PRIMPOL: variants seen among roughly 807,000 people sequenced by gnomAD.
PRIMPOL encodes the protein DNA-directed primase/polymerase protein.
A neutral mutation model predicts 63.6 loss-of-function variants in PRIMPOL; 54 were observed. That is an observed-to-expected ratio of 0.85 (90% CI 0.68 to 1.07). PRIMPOL has a LOEUF of 1.07. Among genes scored for constraint, PRIMPOL ranks in the 50% least tolerant of loss-of-function variants. PRIMPOL has a pLI of 0.00. For synonymous variants in PRIMPOL, 197 were observed against 220.2 expected, an observed-to-expected ratio of 0.89 and a Z score of 0.93; for missense variants, 610 against 648.3, an observed-to-expected ratio of 0.94 and a Z score of 0.64.
rs1193755500 is a variant in PRIMPOL at position 184,649,896 on chromosome 4, G to C, written c.-150G>C. ...GCTCTGGGAAGAAGAGGAGCAGGCCGGGACGCCCACCGGTAATTTCTGTCT... is the reference window on the plus strand; with the variant it reads ...GCTCTGGGAAGAAGAGGAGCAGGCCCGGACGCCCACCGGTAATTTCTGTCT... On this transcript the variant is annotated 5_prime_UTR_variant, in exon 1 of 14. Coordinates refer to ENST00000314970, the MANE Select transcript of PRIMPOL (RefSeq NM_152683.4). The C allele has an allele frequency of 6.6e-6, 1 of 152,232 alleles. No individual in the cohort carries two copies. Among genetic ancestry groups the C allele is most frequent in the Non-Finnish European group, 1.5e-5 (1 of 68,074 alleles). 9.4% of individuals were successfully genotyped at this position (152,232 alleles called of 1,614,324 possible). A position where few individuals can be genotyped will look rare whatever the true frequency, so the allele number is the denominator to read the frequency against.
At position 184,658,122 on chromosome 4, in the gene PRIMPOL, C is replaced by T. The variant is rs573713137; in HGVS notation, c.180+802C>T. Among the ~76,000 whole-genome samples, 51 of 149,598 alleles carry T rather than the reference C, an allele frequency of 3.4e-4. 1 individual carries two copies. In the South Asian group the frequency reaches 9.1e-3, roughly 27 times the overall value. On this transcript the variant is annotated intron_variant, in intron 3 of 13. Coordinates refer to ENST00000314970, the MANE Select transcript of PRIMPOL (RefSeq NM_152683.4). ...GGAATGTAAAGAAATATGAAAGAAACGATAAGATGCTTATATGATAGCATA... is the reference window on the plus strand; with the variant it reads ...GGAATGTAAAGAAATATGAAAGAAATGATAAGATGCTTATATGATAGCATA...
chr4:184,655,933 A>C (rs1215838270), intron 2 of PRIMPOL, among the ~76,000 whole-genome samples: 1 of 152,228 alleles, frequency 6.6e-6, no homozygotes, highest in African/African-American at 2.4e-5. Flanking sequence ...TACTGGCTTA[A>C]AAAAGACAAA....
At chr4:184,692,152 T>C (rs1758749489) in intron 13 of PRIMPOL, among the ~76,000 whole-genome samples, 1 of 152,100 alleles carries the variant, frequency 6.6e-6, no homozygotes, top group African/African-American at 2.4e-5. Context: ...CCCAAATAAT[T>C]AACGTGCATT....
chr4:184,672,868 C>T (rs1752191721), intron 7 of PRIMPOL, among the ~76,000 whole-genome samples: 1 of 152,166 alleles, frequency 6.6e-6, no homozygotes, highest in South Asian at 2.1e-4. Context: ...CACCGAAGAT[C>T]TCAGTGGTAG....
chr4:184,676,455 CTCCCTCT>C (rs1561025293), intron 7 of PRIMPOL, among the ~76,000 whole-genome samples: 1 of 60 alleles, frequency 0.017, no homozygotes, highest in Non-Finnish European at 0.02. Flanking sequence ...CTTCCCTTCC[CTCCCTCT>C]CTCTCCTTTC....
chr4:184,682,081 G>C (rs969126802), intron 8 of PRIMPOL, among the ~76,000 whole-genome samples, 167 bp from the exon 9 acceptor site: 2 of 152,034 alleles, frequency 1.3e-5, no homozygotes, highest in African/African-American at 4.8e-5. Flanking sequence ...ATATGTGTAG[G>C]GTTTGTGGTT....
At chr4:184,653,985 T>TG (rs1745478001) in intron 2 of PRIMPOL, among the ~76,000 whole-genome samples, 1 of 152,202 alleles carries the variant, frequency 6.6e-6, no homozygotes, top group Admixed American at 6.5e-5. Flanking sequence ...TTTCAAGCTG[T>TG]GCAGATATGA....
At chr4:184,689,137 C>T (rs933235033) in intron 11 of PRIMPOL, among the ~76,000 whole-genome samples, 1 of 152,100 alleles carries the variant, frequency 6.6e-6, no homozygotes, top group African/African-American at 2.4e-5. Flanking sequence ...AGTGCAGGAG[C>T]TCACTGCAGC....
chr4:184,694,218 TCCA>T, intron 13 of PRIMPOL: 7 of 1,090,046 alleles, frequency 6.4e-6, no homozygotes, highest in Non-Finnish European at 7.8e-6. Context: ...AGCTGGACTG[TCCA>T]CTTGTTAAAA....
chr4:184,682,886 C>T (rs919507416), intron 9 of PRIMPOL, among the ~76,000 whole-genome samples: 1 of 151,398 alleles, frequency 6.6e-6, no homozygotes, highest in Admixed American at 6.6e-5. Context: ...CCTATCTCTA[C>T]AAAAAATCCA....
chr4:184,679,057 A>G (rs1161139311), intron 8 of PRIMPOL, among the ~76,000 whole-genome samples: 2 of 152,174 alleles, frequency 1.3e-5, no homozygotes, highest in Non-Finnish European at 2.9e-5. Flanking sequence ...CTTTTCATGT[A>G]TGCACATACA....
chr4:184,682,634 C>T (rs1172957972), intron 9 of PRIMPOL, among the ~76,000 whole-genome samples: 3 of 152,158 alleles, frequency 2.0e-5, no homozygotes, highest in Non-Finnish European at 4.4e-5. Flanking sequence ...AGGTGCAAGC[C>T]ACTGCACCCA....
rs564892039 is a variant in PRIMPOL, at chr4:184,666,823, C to T, written c.556+759C>T. 1.1e-4 allele frequency among the ~76,000 whole-genome samples: 16 copies of T among 152,294 alleles called. No individual in the cohort carries two copies. In the East Asian group the frequency reaches 1.4e-3, roughly 13 times the overall value. On this transcript the variant is annotated intron_variant, in intron 6 of 13. Coordinates refer to ENST00000314970, the MANE Select transcript of PRIMPOL (RefSeq NM_152683.4). ...CAGGGTTGGGATAATTCTAGATGTA[C>T]GAGTCTGAAAGTGAAACCAGATTAT...
At chr4:184,655,795 TA>T (rs1746264382) in intron 2 of PRIMPOL, among the ~76,000 whole-genome samples, 1 of 152,214 alleles carries the variant, frequency 6.6e-6, no homozygotes, top group African/African-American at 2.4e-5. Context: ...ATTTAGTACA[TA>T]TTATTTCACT....
At chr4:184,659,738 G>A (rs1334821778) in intron 4 of PRIMPOL, among the ~76,000 whole-genome samples, 1 of 152,110 alleles carries the variant, frequency 6.6e-6, no homozygotes, top group East Asian at 1.9e-4. Context: ...GAATATTTAT[G>A]TTACTTACCT....
intron 11 of PRIMPOL, among the ~76,000 whole-genome samples, chr4:184,686,727 G>A (rs895119423): frequency 6.6e-6 from 1 of 152,050 alleles, no homozygotes; most frequent in African/African-American, 2.4e-5. Flanking sequence ...CTGGACATGG[G>A]GAATGATCGG....
intron 9 of PRIMPOL, among the ~76,000 whole-genome samples, chr4:184,684,008 TTCTTG>T (rs1756351350): frequency 6.7e-6 from 1 of 148,668 alleles, no homozygotes; most frequent in Admixed American, 6.7e-5. Flanking sequence ...TATGTTTATT[TTCTTG>T]TCTTATATGT....
chr4:184,660,246 C>T (rs1208459332), intron 4 of PRIMPOL, among the ~76,000 whole-genome samples: 1 of 151,116 alleles, frequency 6.6e-6, no homozygotes, highest in Admixed American at 6.6e-5. Context: ...AGTACAGTGG[C>T]ACAATCTCAG....
chr4:184,689,666 G>C (rs548174126), intron 11 of PRIMPOL, among the ~76,000 whole-genome samples: 1 of 151,816 alleles, frequency 6.6e-6, no homozygotes. Context: ...ATGTTGGCCA[G>C]GCTGGTCTCG....
Sources: gnomAD v4.1 joint callset for allele counts (sites outside exome capture counted in the v4.1 genomes callset) on GRCh38, gnomAD v4.1.1 for gene constraint, MANE v1.5 for transcripts, NCBI Gene and HGNC (gene_info 2026-07-23, HGNC 2026-07-21) for gene names.